PRKCH: variants seen among roughly 807,000 people sequenced by gnomAD.
PRKCH encodes the protein protein kinase C eta type.
Under a neutral mutation model 82.5 loss-of-function variants are expected in PRKCH, and 28 were observed. The ratio of observed to expected loss-of-function variants is 0.34; its 90% confidence interval spans 0.25 to 0.47. The LOEUF is 0.47. PRKCH is among the 20% of genes least tolerant of loss of function. The pLI, the probability that PRKCH is intolerant of heterozygous loss-of-function variation, is 1.00. For missense variants in PRKCH, 705 were observed against 881.8 expected (o/e 0.80, Z 2.54); for synonymous variants, 322 against 327.4 (o/e 0.98, Z 0.18).
At chr14:61,282,430 A>G (rs982601597) in intron 1 of PRKCH, among the ~76,000 whole-genome samples, 1 of 152,282 alleles carries the variant, frequency 6.6e-6, no homozygotes, top group African/African-American at 2.4e-5. Flanking sequence ...TCTCTATTAC[A>G]CTACACCTAG....
intron 1 of PRKCH, among the ~76,000 whole-genome samples, chr14:61,261,988 G>A (rs973276840): frequency 1.3e-5 from 2 of 152,000 alleles, no homozygotes; most frequent in Non-Finnish European, 2.9e-5. Context: ...TTGGGAGGCC[G>A]AGGCGGGCAA....
chr14:61,362,585 G>T lies in PRKCH; in HGVS notation c.364-28640G>T, dbSNP rs541071328. ...ACATTATTACATATTTGTAAAAGTT[G>T]AGTTTCATGTGACTGACACAGAAGA... On this transcript the variant is annotated intron_variant, in intron 1 of 13. Transcript: ENST00000332981. 1.6e-3 allele frequency among the ~76,000 whole-genome samples: 242 copies of T among 152,268 alleles called. 1 individual carries two copies. Among genetic ancestry groups the T allele is most frequent in the African/African-American group, 5.4e-3 (223 of 41,552 alleles).
chr14:61,278,368 G>C (rs901782834), intron 1 of PRKCH: 2 of 152,102 alleles, frequency 1.3e-5, no homozygotes, highest in Admixed American at 6.5e-5. Context: ...AAGTATTTTT[G>C]GTATATGTAA....
intron 2 of PRKCH, among the ~76,000 whole-genome samples, chr14:61,405,522 C>T (rs11442653): frequency 0.1 from 15,269 of 152,144 alleles, 1,096 homozygotes; most frequent in Admixed American, 0.22. Context: ...GGATTACAGG[C>T]GCGCAGCACC....
intron 1 of PRKCH, among the ~76,000 whole-genome samples, chr14:61,267,257 G>A (rs1326855273): frequency 1.3e-5 from 2 of 152,078 alleles, no homozygotes; most frequent in African/African-American, 2.4e-5. Context: ...CATCAACTTC[G>A]CATACTCACA....
intron 1 of PRKCH, among the ~76,000 whole-genome samples, chr14:61,252,868 C>T (rs190341606): frequency 5.9e-5 from 9 of 152,178 alleles, no homozygotes; most frequent in African/African-American, 1.7e-4. Context: ...AGTCTTTGTC[C>T]GTATTTCTTC....
intron 12 of PRKCH, among the ~76,000 whole-genome samples, chr14:61,535,924 C>T (rs1172721628): frequency 6.6e-6 from 1 of 152,192 alleles, no homozygotes. Flanking sequence ...TCTAAAATTT[C>T]CACATGGAAA....
intron 1 of PRKCH, among the ~76,000 whole-genome samples, chr14:61,276,059 C>T (rs562800751): frequency 4.9e-4 from 75 of 152,260 alleles, no homozygotes; most frequent in African/African-American, 1.7e-3. Flanking sequence ...GTGTACATAG[C>T]ATCAACACTA....
At chr14:61,518,768 A>G (rs557738923) in intron 10 of PRKCH, among the ~76,000 whole-genome samples, 1 of 152,166 alleles carries the variant, frequency 6.6e-6, no homozygotes, top group African/African-American at 2.4e-5. Context: ...CACCTAGTCT[A>G]TGGGAATTAG....
At chr14:61,252,685 C>T (rs932496267) in intron 1 of PRKCH, among the ~76,000 whole-genome samples, 2 of 152,190 alleles carry the variant, frequency 1.3e-5, no homozygotes, top group African/African-American at 4.8e-5. Context: ...ACAAGTAAAA[C>T]TAATAATTTT....
chr14:61,529,588 A>G (rs1454704507), intron 11 of PRKCH, among the ~76,000 whole-genome samples: 1 of 151,840 alleles, frequency 6.6e-6, no homozygotes, highest in Non-Finnish European at 1.5e-5. Flanking sequence ...AAAAATGGTG[A>G]GTTCATGTCC....
chr14:61,210,142 ATATATATATATATATATAT>A (rs1566781688), intron 1 of PRKCH, among the ~76,000 whole-genome samples: 35 of 48,660 alleles, frequency 7.2e-4, no homozygotes, highest in South Asian at 1.5e-3. Context: ...ATATATATAT[ATATATATATATATATATAT>A]AAATTAGCTT....
intron 10 of PRKCH, among the ~76,000 whole-genome samples, chr14:61,487,954 C>A (rs1886299339): frequency 1.3e-5 from 2 of 152,038 alleles, no homozygotes; most frequent in South Asian, 4.1e-4. Flanking sequence ...GAGATCGAGA[C>A]CATCCTGGCT....
At position 61,287,204 on chromosome 14, in the gene PRKCH, T is replaced by TAAAAAAA. The variant is rs35045657; in HGVS notation, c.-19+99560_-19+99566dup. Among the ~76,000 whole-genome samples the TAAAAAAA allele has an allele frequency of 6.4e-4, 37 of 57,930 alleles. 2 individuals carry two copies. In the East Asian group the frequency reaches 0.011, roughly 18 times the overall value. 38.0% of individuals were successfully genotyped at this position (57,930 alleles called of 152,430 possible). A position where few individuals can be genotyped will look rare whatever the true frequency, so the allele number is the denominator to read the frequency against. On this transcript the variant is annotated intron_variant, in intron 1 of 3. Coordinates refer to the PRKCH transcript ENST00000555185. ...TGAGCAACAGTGCAAGACTCCGTCTTAAAAAAAAAAAAAAAAAAAAAAAAA... is the reference window on the plus strand; with the variant it reads ...TGAGCAACAGTGCAAGACTCCGTCTTAAAAAAAAAAAAAAAAAAAAAAAAAAAAAAAA...
intron 1 of PRKCH, among the ~76,000 whole-genome samples, chr14:61,330,858 G>C (rs1253136982): frequency 2.6e-5 from 4 of 152,144 alleles, no homozygotes; most frequent in African/African-American, 7.2e-5. Flanking sequence ...GCCCTAACAG[G>C]GGTGTCCAAT....
chr14:61,209,533 C>A (rs935967119), intron 1 of PRKCH, among the ~76,000 whole-genome samples: 3 of 151,978 alleles, frequency 2.0e-5, no homozygotes, highest in Admixed American at 2.0e-4. Flanking sequence ...TGAGTAGGGA[C>A]AAGCCTCATT....
At chr14:61,485,786 T>C (rs144666734) in intron 10 of PRKCH, 130 bp downstream of exon 10, 2 of 1,326,510 alleles carry the variant, frequency 1.5e-6, no homozygotes, top group South Asian at 1.4e-5. Flanking sequence ...AGTTTTGTTT[T>C]GGTTTTTGTT....
intron 1 of PRKCH, among the ~76,000 whole-genome samples, chr14:61,364,558 G>T (rs74472313): frequency 6.6e-6 from 1 of 152,000 alleles, no homozygotes; most frequent in Admixed American, 6.5e-5. Context: ...GAATGGCCAG[G>T]TGTGGTGGTT....
chr14:61,327,295 A>G (rs1421271838), intron 1 of PRKCH: 1 of 331,450 alleles, frequency 3.0e-6, no homozygotes, highest in African/African-American at 2.2e-5. Flanking sequence ...TATACCACCA[A>G]AATTCTTCCA....
Sources: gnomAD v4.1 joint callset for allele counts (sites outside exome capture counted in the v4.1 genomes callset) on GRCh38, gnomAD v4.1.1 for gene constraint, MANE v1.5 for transcripts, NCBI Gene and HGNC (gene_info 2026-07-23, HGNC 2026-07-21) for gene names.